SGSH: variants seen among roughly 807,000 people sequenced by gnomAD.
The protein encoded by SGSH is N-sulfoglucosamine sulfohydrolase.
In SGSH, 48 loss-of-function variants were observed where a neutral mutation model predicts 51.0. The observed-to-expected ratio is 0.94, with a 90% CI of 0.75 to 1.20. The LOEUF (loss-of-function observed/expected upper bound fraction) is 1.20. Ranked by LOEUF, SGSH falls within the 50% of genes most tolerant of loss-of-function variation. SGSH has a pLI of 0.00. For missense variants in SGSH, 662 were observed against 717.8 expected, an observed-to-expected ratio of 0.92 and a Z score of 0.89; for synonymous variants, 321 against 313.4, an observed-to-expected ratio of 1.02 and a Z score of -0.26.
At chr17:80,211,925 T>C in intron 7 of SGSH, 146 bp downstream of exon 7, 1 of 716,612 alleles carries the variant, frequency 1.4e-6, no homozygotes. Context: ...TCTTTTCCTC[T>C]GTAGAGTGGG....
At chr17:80,203,762 C>A, downstream of SGSH, 1 of 1,402,430 alleles carries the variant, frequency 7.1e-7, no homozygotes, top group Non-Finnish European at 9.9e-7. The surrounding 1 kb of genome is among the most constrained non-coding windows in gnomAD (Gnocchi z 4.6). Flanking sequence ...GCTCGGCTCT[C>A]CCCTGCCCTG....
downstream of SGSH, chr17:80,202,102 CTACTT>C (rs1399999737): frequency 3.7e-6 from 5 of 1,366,850 alleles, no homozygotes; most frequent in Admixed American, 1.8e-5. Context: ...TCCTTCTCTC[CTACTT>C]TAATTTTCTG....
downstream of SGSH, chr17:80,202,545 A>C (rs2041042437): frequency 1.4e-6 from 2 of 1,467,408 alleles, no homozygotes; most frequent in East Asian, 4.9e-5. Flanking sequence ...CCCCCTAAGG[A>C]GGGAAGCCTG....
intron 2 of SGSH, among the ~76,000 whole-genome samples, chr17:80,216,338 A>T (rs747020545): frequency 3.9e-5 from 6 of 152,052 alleles, no homozygotes; most frequent in Non-Finnish European, 7.4e-5. Flanking sequence ...CAAAAAAAAA[A>T]AGGACTAGTC....
rs369368791 is a variant in SGSH at position 80,214,228 on chromosome 17, C to G, written c.607G>C (p.Gly203Arg). The change falls in exon 5 of 8, where the codon GGC (glycine) becomes CGC (arginine). Residue 203 changes from glycine (G) to arginine (R), a missense_variant. Physicochemically the swap from Gly to Arg is moderately radical, Grantham distance 125 (BLOSUM62 -2). Transcript: ENST00000326317. ...GTCCAGTCTGGGATACGACCCATGC[C>G]GCTCTCTCCGTTGCCAAACTTCTCA... ...FCEKFGNGES[G>R]MGRIPDWTPQ... 1.4e-5 allele frequency: 23 copies of G among 1,612,830 alleles called. No individual in the cohort carries two copies. The South Asian group carries it at 2.0e-4, about 14-fold the overall frequency.
At position 80,212,687 on chromosome 17, in the gene SGSH, C is replaced by G. The variant is rs1598743959; in HGVS notation, c.746-413G>C. 3.2e-6 allele frequency: 1 copy of G among 315,478 alleles called. No individual in the cohort carries two copies. The highest frequency in any genetic ancestry group is 2.9e-5 in the South Asian group (1 of 34,550). The allele number at this position is 315,478 out of a possible 1,614,324, so 19.5% of individuals were successfully genotyped here. ...CAGAGGACAAGGCTTCCTCTATACC[C>G]GCTCCTTCCCAGCTCACTAAGAATT... is the stretch of plus-strand genomic sequence containing the variant. On this transcript the variant is annotated intron_variant, in intron 6 of 7. Coordinates refer to ENST00000326317, the MANE Select transcript of SGSH (RefSeq NM_000199.5). This position sits in a 1 kb window ranked among gnomAD's most constrained non-coding sequence, Gnocchi z 5.9.
At chr17:80,219,161 CA>C (rs11430982) in intron 1 of SGSH, among the ~76,000 whole-genome samples, 500 of 54,212 alleles carry the variant, frequency 9.2e-3, no homozygotes, top group South Asian at 0.022. Context: ...CCCTGTCTCA[CA>C]AAAAAAAAAA....
At chr17:80,205,503 T>C (rs764460942), downstream of SGSH, 4 of 1,574,572 alleles carry the variant, frequency 2.5e-6, no homozygotes, top group Non-Finnish European at 3.5e-6. Context: ...AGCTGGTCTA[T>C]GATGGCCCCG....
intron 7 of SGSH, 166 bp from the exon 8 acceptor site, chr17:80,211,177 G>C: frequency 6.6e-7 from 1 of 1,503,918 alleles, no homozygotes; most frequent in South Asian, 1.3e-5. Flanking sequence ...CATCTCTCTG[G>C]GCCTCAGTGC....
chr17:80,216,773 T>C, intron 2 of SGSH: 3 of 545,348 alleles, frequency 5.5e-6, no homozygotes. Context: ...CCCACCATCT[T>C]ACAGATGAGG....
At chr17:80,211,476 C>T (rs1567916997) in intron 7 of SGSH, 6 of 287,468 alleles carry the variant, frequency 2.1e-5, no homozygotes, top group South Asian at 1.7e-4. Context: ...GAGCCTCTGC[C>T]CTGTGCCGAA....
At chr17:80,204,338 G>C (rs1237981824), downstream of SGSH, 2 of 1,569,026 alleles carry the variant, frequency 1.3e-6, no homozygotes, top group Non-Finnish European at 1.7e-6. Flanking sequence ...CAGCAGGATG[G>C]AGGGTGAGGC....
downstream of SGSH, chr17:80,201,852 G>C (rs778539318): frequency 2.1e-5 from 34 of 1,613,640 alleles, no homozygotes; most frequent in Non-Finnish European, 2.7e-5. This position sits in a 1 kb window ranked among gnomAD's most constrained non-coding sequence, Gnocchi z 5.0. Context: ...CTGCCTGTCT[G>C]TGAAGGTCAA....
intron 1 of SGSH, among the ~76,000 whole-genome samples, chr17:80,217,799 C>A (rs2041948457): frequency 6.6e-6 from 1 of 151,784 alleles, no homozygotes; most frequent in South Asian, 2.1e-4. Context: ...TGTTAGCAGG[C>A]AGGCATGGTA....
intron 5 of SGSH, 137 bp from the exon 6 acceptor site, chr17:80,214,022 T>G (rs566859520): frequency 7.6e-7 from 1 of 1,323,342 alleles, no homozygotes; most frequent in East Asian, 2.5e-5. Context: ...TCTACGGTTC[T>G]CTCTGTGGCC....
intron 2 of SGSH, chr17:80,216,824 C>T: frequency 1.7e-6 from 1 of 595,940 alleles, no homozygotes. Flanking sequence ...CTCAAGGCCA[C>T]ACACAGCAGT....
chr17:80,206,947 C>T (rs781391696), downstream of SGSH: 43 of 1,575,474 alleles, frequency 2.7e-5, no homozygotes, highest in Middle Eastern at 1.7e-4. Flanking sequence ...TCTTGACTCA[C>T]TTCTTCTCTC....
chr17:80,220,000 G>A (rs900444557), intron 1 of SGSH: 1 of 471,272 alleles, frequency 2.1e-6, no homozygotes, highest in Admixed American at 4.2e-5. Context: ...TAAGTGTAGG[G>A]GTGCTGGATG....
downstream of SGSH, chr17:80,202,076 A>G: frequency 8.0e-7 from 1 of 1,255,338 alleles, no homozygotes; most frequent in East Asian, 2.3e-5. Context: ...GCAGCTTCTG[A>G]GACTGGGAGG....
Sources: allele counts gnomAD v4.1 joint callset (sites outside exome capture counted in the v4.1 genomes callset), GRCh38; gene constraint gnomAD v4.1.1; non-coding constraint Gnocchi (gnomAD v3.1); transcripts MANE v1.5; gene names NCBI Gene and HGNC (gene_info 2026-07-23, HGNC 2026-07-21).